Variants in DPP10 observed in about 807,000 individuals in gnomAD.
DPP10 encodes inactive dipeptidyl peptidase 10.
In DPP10, 33 loss-of-function variants were observed where a neutral mutation model predicts 120.9. That is an observed-to-expected ratio of 0.27 (90% confidence interval 0.21 to 0.37). The LOEUF (loss-of-function observed/expected upper bound fraction) is 0.37. DPP10 is among the 10% of genes least tolerant of loss of function. The pLI, the probability that DPP10 is intolerant of heterozygous loss-of-function variation, is 1.00. For missense variants in DPP10, 816 were observed against 942.8 expected, an observed-to-expected ratio of 0.87 and a Z score of 1.76; for synonymous variants, 337 against 326.1, an observed-to-expected ratio of 1.03 and a Z score of -0.36.
intron 1 of DPP10, among the ~76,000 whole-genome samples, chr2:114,501,452 A>G (rs1683173626): frequency 6.6e-6 from 1 of 152,214 alleles, no homozygotes. Flanking sequence ...CTCATAATAT[A>G]GACATCTGCT....
At chr2:115,588,878 A>G (rs890198346) in intron 5 of DPP10, among the ~76,000 whole-genome samples, 1 of 152,240 alleles carries the variant, frequency 6.6e-6, no homozygotes, top group Non-Finnish European at 1.5e-5. Context: ...GCAAATAACA[A>G]TACAAAAATA....
chr2:115,180,784 G>C (rs534794842), intron 1 of DPP10, among the ~76,000 whole-genome samples: 3 of 152,206 alleles, frequency 2.0e-5, no homozygotes, highest in Non-Finnish European at 4.4e-5. Flanking sequence ...GTGGGAGTGG[G>C]CATGAAAAAA....
chr2:115,284,430 G>A (rs1329912684), intron 1 of DPP10, among the ~76,000 whole-genome samples: 5 of 151,900 alleles, frequency 3.3e-5, no homozygotes, highest in African/African-American at 7.2e-5. Context: ...GCTTCAGTAA[G>A]TCAAAACATG....
chr2:115,718,211 A>G lies in DPP10; in HGVS notation c.577-9605A>G, dbSNP rs563485257. On this transcript the variant is annotated intron_variant, in intron 7 of 25. Transcript: ENST00000410059. ...TTAAAAAAAAAAAAATCAAACATCT[A>G]TGTACAGGTACACTGACCAATATCC... Among the ~76,000 whole-genome samples the G allele has an allele frequency of 1.7e-4, 26 of 151,986 alleles. No homozygotes were observed. In the East Asian group the frequency reaches 4.1e-3, roughly 24 times the overall value.
chr2:115,740,379 C>T (rs940668952), intron 9 of DPP10, among the ~76,000 whole-genome samples: 11 of 151,990 alleles, frequency 7.2e-5, no homozygotes, highest in Non-Finnish European at 1.3e-4. Flanking sequence ...AAAAAATAGA[C>T]TATGCATAAA....
intron 1 of DPP10, among the ~76,000 whole-genome samples, chr2:114,474,931 C>A (rs529929834): frequency 1.9e-4 from 29 of 152,326 alleles, no homozygotes; most frequent in African/African-American, 6.5e-4. Flanking sequence ...AGAGTGGTCA[C>A]CCTCTGAGGA....
At chr2:115,700,249 C>A (rs1028991518) in intron 7 of DPP10, among the ~76,000 whole-genome samples, 2 of 152,094 alleles carry the variant, frequency 1.3e-5, no homozygotes, top group African/African-American at 2.4e-5. Flanking sequence ...TTGGGGAACA[C>A]ATTTAACATG....
intron 3 of DPP10, among the ~76,000 whole-genome samples, chr2:115,415,840 TTTATATATATA>T (rs1319133913): frequency 2.4e-5 from 2 of 83,400 alleles, no homozygotes; most frequent in African/African-American, 5.0e-5. Flanking sequence ...CTGATTTGCT[TTTATATATATA>T]TATATATATA....
At chr2:115,590,291 A>G (rs79070929) in intron 5 of DPP10, among the ~76,000 whole-genome samples, 1 of 151,840 alleles carries the variant, frequency 6.6e-6, no homozygotes, top group African/African-American at 2.4e-5. Context: ...TACATTAGGT[A>G]TATCTCCTAA....
At chr2:114,736,299 C>T (rs773492003) in intron 1 of DPP10, among the ~76,000 whole-genome samples, 2 of 152,064 alleles carry the variant, frequency 1.3e-5, no homozygotes, top group Non-Finnish European at 2.9e-5. Context: ...TACCTACATT[C>T]GAGTTCAATT....
chr2:115,410,697 GACTAC>G (rs2068886118), intron 3 of DPP10, among the ~76,000 whole-genome samples: 1 of 152,142 alleles, frequency 6.6e-6, no homozygotes. Context: ...AGGGATAAAA[GACTAC>G]ACATTGGGTG....
intron 1 of DPP10, among the ~76,000 whole-genome samples, chr2:115,258,764 G>A (rs1025920221): frequency 3.9e-5 from 6 of 152,018 alleles, no homozygotes; most frequent in African/African-American, 1.4e-4. Flanking sequence ...GGGCACACTG[G>A]CATGCTCCTG....
chr2:114,510,762 TG>T (rs1214408174), intron 1 of DPP10, among the ~76,000 whole-genome samples: 8 of 151,122 alleles, frequency 5.3e-5, no homozygotes, highest in Admixed American at 5.2e-4. Flanking sequence ...GTTTTTCAAC[TG>T]TTTGCCTTTA....
intron 1 of DPP10, among the ~76,000 whole-genome samples, chr2:114,760,659 A>G (rs1356557959): frequency 1.3e-5 from 2 of 152,088 alleles, no homozygotes; most frequent in African/African-American, 2.4e-5. Context: ...GCCCTGTAGC[A>G]TAAGTAAATA....
chr2:115,359,294 C>G (rs1187186296), intron 3 of DPP10, among the ~76,000 whole-genome samples: 1 of 151,994 alleles, frequency 6.6e-6, no homozygotes, highest in Non-Finnish European at 1.5e-5. Flanking sequence ...TTTAGAACTC[C>G]CTTAAAGACC....
intron 1 of DPP10, among the ~76,000 whole-genome samples, chr2:115,044,813 A>G (rs1033024811): frequency 1.1e-4 from 16 of 152,190 alleles, no homozygotes; most frequent in South Asian, 6.2e-4. Context: ...TCTATTCTCT[A>G]TCTCCATAGG....
At chr2:115,734,758 G>C (rs7592075) in intron 8 of DPP10, among the ~76,000 whole-genome samples, 150,866 of 151,886 alleles carry the variant, frequency 0.99, 74,935 homozygotes, top group Middle Eastern at 1. Context: ...ATTTTTTTCT[G>C]AATGTGTCAT....
intron 1 of DPP10, among the ~76,000 whole-genome samples, chr2:115,248,876 C>G (rs2058642160): frequency 6.6e-6 from 1 of 151,734 alleles, no homozygotes; most frequent in Admixed American, 6.6e-5. Context: ...ATCCAAAGAC[C>G]AGGAGAAAAT....
At chr2:114,826,860 A>G (rs1194749424) in intron 1 of DPP10, among the ~76,000 whole-genome samples, 1 of 152,196 alleles carries the variant, frequency 6.6e-6, no homozygotes, top group Non-Finnish European at 1.5e-5. Flanking sequence ...AGTCTGATGA[A>G]AGAAATGGAT....
Sources: allele counts gnomAD v4.1 joint callset (sites outside exome capture counted in the v4.1 genomes callset), GRCh38; gene constraint gnomAD v4.1.1; transcripts MANE v1.5; gene names NCBI Gene and HGNC (gene_info 2026-07-23, HGNC 2026-07-21).